Variants in LSM11 observed in about 807,000 individuals in gnomAD.
LSM11 encodes the protein U7 snRNA-associated Sm-like protein LSm11.
A neutral mutation model predicts 28.1 loss-of-function variants in LSM11; 14 were observed. The observed-to-expected ratio is 0.50, with a 90% CI of 0.33 to 0.78. The LOEUF (loss-of-function observed/expected upper bound fraction) is 0.78, where lower values mean the gene tolerates loss of function less well. LSM11 is among the 30% of genes least tolerant of loss of function. The probability of loss-of-function intolerance (pLI) is 0.02; values close to 1 mark genes in which losing one functional copy is unlikely to be tolerated. For missense variants in LSM11, 495 were observed against 510.6 expected (o/e 0.97, Z 0.30); for synonymous variants, 207 against 214.2 (o/e 0.97, Z 0.30).
At chr5:157,744,256 A>T in intron 1 of LSM11, 58 bp downstream of exon 1, 2 of 1,192,330 alleles carry the variant, frequency 1.7e-6, no homozygotes, top group Non-Finnish European at 2.1e-6. Flanking sequence ...CTGGCTGCCG[A>T]GGGGGCGTCT....
Position 157,755,540 on chromosome 5 carries a change from C to T in LSM11, c.*276C>T, listed in dbSNP as rs1425833964. The T allele has an allele frequency of 3.8e-6, 2 of 532,412 alleles. No individual in the cohort carries two copies. The highest frequency in any genetic ancestry group is 3.1e-5 in the South Asian group (1 of 32,164). 33.0% of individuals were successfully genotyped at this position (532,412 alleles called of 1,614,324 possible). A position where few individuals can be genotyped will look rare whatever the true frequency, so the allele number is the denominator to read the frequency against. The stretch of plus-strand genomic sequence containing the variant: ...TACTTCAGACCCTGAAACCAAATAT[C>T]TGATCTTCCATTAGACTTAGGGGTC... On this transcript the variant is annotated 3_prime_UTR_variant, in exon 4 of 4. Transcript: ENST00000286307.
Position 157,756,378 on chromosome 5 carries a change from A to G in LSM11, c.*1114A>G, listed in dbSNP as rs1761328567. On this transcript the variant is annotated 3_prime_UTR_variant, in exon 4 of 4. Transcript: ENST00000286307. ...ACCCACAAATACTTCTACTTGAATC[A>G]TATTCTGTGCTTTTTCAATCACTAG... is the stretch of plus-strand genomic sequence containing the variant. 6.6e-6 allele frequency: 1 copy of G among 152,610 alleles called. No individual in the cohort carries two copies. Among genetic ancestry groups the G allele is most frequent in the African/African-American group, 2.4e-5 (1 of 41,434 alleles). The allele number at this position is 152,610 out of a possible 1,614,324, so 9.5% of individuals were successfully genotyped here. A position where few individuals can be genotyped will look rare whatever the true frequency, so the allele number is the denominator to read the frequency against.
rs1159234069 is a variant in LSM11 at position 157,743,888 on chromosome 5, C to T, written c.138C>T (p.Pro46=). The T allele has an allele frequency of 1.3e-6, 2 of 1,554,302 alleles. No individual in the cohort carries two copies. The highest frequency in any genetic ancestry group is 2.8e-5 in the African/African-American group (2 of 70,456). Residue 46 remains proline, a synonymous_variant, in exon 1 of 4, where the codon CCC becomes CCT. Coordinates refer to ENST00000286307, the MANE Select transcript of LSM11 (RefSeq NM_173491.4). ...ALYAPRLPPI[P]YPNAPCFNNV... Reference sequence around the variant, plus strand: ...ACGCGCCCCGCCTGCCTCCCATTCCCTACCCCAATGCCCCCTGCTTCAACA... The same window carrying T: ...ACGCGCCCCGCCTGCCTCCCATTCCTTACCCCAATGCCCCCTGCTTCAACA...
chr5:157,757,690 G>A lies in LSM11; in HGVS notation c.*2426G>A, dbSNP rs973453153. 1.3e-5 allele frequency: 2 copies of A among 152,154 alleles called. No individual in the cohort carries two copies. The highest frequency in any genetic ancestry group is 2.9e-5 in the Non-Finnish European group (2 of 68,030). 9.4% of individuals were successfully genotyped at this position (152,154 alleles called of 1,614,324 possible). A position where few individuals can be genotyped will look rare whatever the true frequency, so the allele number is the denominator to read the frequency against. ...TCAGGTTTAATCATCAGGCAACACT[G>A]CGTATACCTGTGTGGCTATCCTCAT... On this transcript the variant is annotated 3_prime_UTR_variant, in exon 4 of 4. Transcript: ENST00000286307.
chr5:157,743,943 A>C lies in LSM11; in HGVS notation c.193A>C (p.Thr65Pro). ...GGCGGAGTACGAGAGCTTCCTCAGG[A>C]CCGGAGTCCGGGGCGGCGGGCGCGG... ...NVAEYESFLRTGVRGGGRGRG... is the reference protein window; with the variant it reads ...NVAEYESFLRPGVRGGGRGRG... The change falls in exon 1 of 4, where the codon ACC (threonine) becomes CCC (proline). Residue 65 changes from threonine to proline, a missense_variant. Thr to Pro is a conservative substitution (Grantham distance 38). Coordinates refer to ENST00000286307, the MANE Select transcript of LSM11 (RefSeq NM_173491.4). The C allele has an allele frequency of 7.1e-7, 1 of 1,401,778 alleles. No homozygotes were observed. The highest frequency in any genetic ancestry group is 9.3e-7 in the Non-Finnish European group (1 of 1,072,356). The allele number at this position is 1,401,778 out of a possible 1,614,324, so 86.8% of individuals were successfully genotyped here.
At position 157,757,215 on chromosome 5, in the gene LSM11, C is replaced by G. The variant is rs994685158; in HGVS notation, c.*1951C>G. 2 of 152,040 alleles carry G rather than the reference C, an allele frequency of 1.3e-5. No individual in the cohort carries two copies. Among genetic ancestry groups the G allele is most frequent in the African/African-American group, 4.8e-5 (2 of 41,400 alleles). 9.4% of individuals were successfully genotyped at this position (152,040 alleles called of 1,614,324 possible). ...AATCTTAGGGTTCATAGTTATGATC[C>G]TGTTGTAACTATCTTCGGAAGGCAG... On this transcript the variant is annotated 3_prime_UTR_variant, in exon 4 of 4. Coordinates refer to ENST00000286307, the MANE Select transcript of LSM11 (RefSeq NM_173491.4).
At position 157,760,550 on chromosome 5, in the gene LSM11, C is replaced by T. The variant is rs967189088; in HGVS notation, c.*5286C>T. ...ATATACCAGCTGCTACAAGAAAAAC[C>T]ATGACTTGTAAGTTTGTCTTTACTC... On this transcript the variant is annotated 3_prime_UTR_variant, in exon 4 of 4. Transcript: ENST00000286307. The T allele has an allele frequency of 1.3e-5, 2 of 152,146 alleles. No individual in the cohort carries two copies. The highest frequency in any genetic ancestry group is 6.5e-5 in the Admixed American group (1 of 15,286). The allele number at this position is 152,146 out of a possible 1,614,324, so 9.4% of individuals were successfully genotyped here. A position where few individuals can be genotyped will look rare whatever the true frequency, so the allele number is the denominator to read the frequency against.
intron 2 of LSM11, 26 bp from the exon 3 acceptor site, chr5:157,753,978 T>G: frequency 6.8e-7 from 1 of 1,469,094 alleles, no homozygotes; most frequent in Non-Finnish European, 9.1e-7. Flanking sequence ...CTGTCTAATG[T>G]TTTTCCTTTT....
chr5:157,746,874 T>C (rs1228058811), intron 1 of LSM11, among the ~76,000 whole-genome samples: 1 of 151,998 alleles, frequency 6.6e-6, no homozygotes, highest in Admixed American at 6.5e-5. Flanking sequence ...CATAGGGACA[T>C]CATAGAGACC....
In LSM11 at chr5:157,758,011, A is replaced by G. The variant is rs970282897; in HGVS notation, c.*2747A>G. On this transcript the variant is annotated 3_prime_UTR_variant, in exon 4 of 4. Transcript: ENST00000286307. ...TCCCATTTGTTTGTTTGGTCTGGAC[A>G]GTGGTTCTGGAATGAATTCTATCTA... 6.6e-6 allele frequency: 1 copy of G among 152,214 alleles called. No individual in the cohort carries two copies. The highest frequency in any genetic ancestry group is 1.9e-4 in the East Asian group (1 of 5,200). The allele number at this position is 152,214 out of a possible 1,614,324, so 9.4% of individuals were successfully genotyped here.
chr5:157,749,705 A>G (rs1279730005), intron 1 of LSM11, among the ~76,000 whole-genome samples: 1 of 152,198 alleles, frequency 6.6e-6, no homozygotes, highest in Non-Finnish European at 1.5e-5. Context: ...CAGAATTCTC[A>G]TGGTCTTTTC....
intron 2 of LSM11, among the ~76,000 whole-genome samples, chr5:157,751,856 A>T (rs1410962433): frequency 6.6e-6 from 1 of 152,198 alleles, no homozygotes; most frequent in Non-Finnish European, 1.5e-5. Flanking sequence ...GCAGCTAAAC[A>T]GTCTACAACA....
At chr5:157,752,672 C>A (rs531733706) in intron 2 of LSM11, among the ~76,000 whole-genome samples, 2 of 151,410 alleles carry the variant, frequency 1.3e-5, no homozygotes, top group South Asian at 4.2e-4. Flanking sequence ...ATAGGGAAAC[C>A]CCCATCTCTA....
At chr5:157,744,261 G>T in intron 1 of LSM11, 63 bp downstream of exon 1, 6 of 1,169,716 alleles carry the variant, frequency 5.1e-6, no homozygotes, top group Non-Finnish European at 6.5e-6. Flanking sequence ...TGCCGAGGGG[G>T]CGTCTGCGGG....
At chr5:157,748,411 CCA>C (rs1447975325) in intron 1 of LSM11, among the ~76,000 whole-genome samples, 1 of 152,084 alleles carries the variant, frequency 6.6e-6, no homozygotes, top group Non-Finnish European at 1.5e-5. Context: ...CTGATTAAAC[CCA>C]GTTCTGGGAA....
chr5:157,757,592 A>AACAGT lies in LSM11; in HGVS notation c.*2330_*2334dup, dbSNP rs1761346353. The AACAGT allele has an allele frequency of 6.6e-6, 1 of 152,204 alleles. No individual in the cohort carries two copies. Among genetic ancestry groups the AACAGT allele is most frequent in the South Asian group, 2.1e-4 (1 of 4,820 alleles). 9.4% of individuals were successfully genotyped at this position (152,204 alleles called of 1,614,324 possible). ...AGGTTCCAGTTTACAAACTCAAGTGAACAGTAATCTTTGGAAGCTGCCAGT... is the reference window on the plus strand; with the variant it reads ...AGGTTCCAGTTTACAAACTCAAGTGAACAGTACAGTAATCTTTGGAAGCTGCCAGT... On this transcript the variant is annotated 3_prime_UTR_variant, in exon 4 of 4. Transcript: ENST00000286307.
chr5:157,753,371 G>GTACT (rs1307725228), intron 2 of LSM11, among the ~76,000 whole-genome samples: 1 of 152,130 alleles, frequency 6.6e-6, no homozygotes, highest in Non-Finnish European at 1.5e-5. Context: ...GATTATAACA[G>GTACT]TACTGTCAGC....
At chr5:157,751,211 T>C (rs13162531) in intron 1 of LSM11, among the ~76,000 whole-genome samples, 179 bp from the exon 2 acceptor site, 67,586 of 152,028 alleles carry the variant, frequency 0.44, 15,154 homozygotes, top group East Asian at 0.56. Context: ...AATCTAGTCT[T>C]GTGTCAGTGT....
rs914173083 is a variant in LSM11, at chr5:157,743,893, C to T, written c.143C>T (p.Pro48Leu). The change falls in exon 1 of 4, where the codon CCC (proline) becomes CTC (leucine). Residue 48 changes from proline to leucine, a missense_variant. Coordinates refer to ENST00000286307, the MANE Select transcript of LSM11 (RefSeq NM_173491.4). ...CCCCGCCTGCCTCCCATTCCCTACC[C>T]CAATGCCCCCTGCTTCAACAACGTG... ...YAPRLPPIPY[P>L]NAPCFNNVAE... 3.2e-6 allele frequency: 5 copies of T among 1,543,538 alleles called. No individual in the cohort carries two copies. Among genetic ancestry groups the T allele is most frequent in the Non-Finnish European group, 4.4e-6 (5 of 1,146,154 alleles).
Sources: allele counts gnomAD v4.1 joint callset (sites outside exome capture counted in the v4.1 genomes callset), GRCh38; gene constraint gnomAD v4.1.1; transcripts MANE v1.5; gene names NCBI Gene and HGNC (gene_info 2026-07-23, HGNC 2026-07-21).